The following ANK3 variants were observed in gnomAD, a reference collection of about 807,000 sequenced individuals.
The protein encoded by ANK3 is ankyrin-3.
A neutral mutation model predicts 370.9 loss-of-function variants in ANK3; 57 were observed. That is an observed-to-expected ratio of 0.15 (90% CI 0.12 to 0.19). The LOEUF (loss-of-function observed/expected upper bound fraction) is 0.19. ANK3 is among the 10% of genes least tolerant of loss of function. The pLI, the probability that ANK3 is intolerant of heterozygous loss-of-function variation, is 1.00. For missense variants in ANK3, 4,439 were observed against 5,302.1 expected (o/e 0.84, Z 5.06); for synonymous variants, 1,929 against 1,946.3 (o/e 0.99, Z 0.23).
In ANK3 at chr10:60,731,228, GA is replaced by G. The variant is rs567660210; in HGVS notation, c.57+2034del. Among the ~76,000 whole-genome samples the G allele has an allele frequency of 3.0e-3, 448 of 149,926 alleles. 4 individuals are homozygous for G. The highest frequency in any genetic ancestry group is 6.9e-3 in the Middle Eastern group (2 of 290). Reference sequence around the variant, plus strand: ...TTTAAACTCATGAACACTGTAAAAAGAAAAAAAAATTAAGTACTGAAAAAAA... The same window carrying G: ...TTTAAACTCATGAACACTGTAAAAAGAAAAAAAATTAAGTACTGAAAAAAA... On this transcript the variant is annotated intron_variant, in intron 1 of 43. Coordinates refer to the ANK3 transcript ENST00000373827.
chr10:60,493,370 G>T (rs1167852729), intron 2 of ANK3, among the ~76,000 whole-genome samples: 1 of 152,014 alleles, frequency 6.6e-6, no homozygotes, highest in Non-Finnish European at 1.5e-5. Context: ...CCATGCTTAA[G>T]ATAGAAACAG....
chr10:60,130,472 G>A (rs537667134), intron 25 of ANK3, among the ~76,000 whole-genome samples: 2 of 152,220 alleles, frequency 1.3e-5, no homozygotes, highest in East Asian at 3.9e-4. Flanking sequence ...ATTTAACTGG[G>A]CAATGACAGT....
At chr10:60,423,484 T>A (rs1281402927) in intron 2 of ANK3, among the ~76,000 whole-genome samples, 2 of 151,788 alleles carry the variant, frequency 1.3e-5, no homozygotes, top group Non-Finnish European at 2.9e-5. Context: ...AATCAAACTA[T>A]AACAATATAC....
chr10:60,728,906 C>T (rs1042149317), intron 1 of ANK3, among the ~76,000 whole-genome samples: 2 of 152,156 alleles, frequency 1.3e-5, no homozygotes. Context: ...TTGTGAAGTA[C>T]ATAGTATCTA....
chr10:60,266,080 AATAAC>A (rs1340519248), intron 5 of ANK3, among the ~76,000 whole-genome samples: 1 of 152,184 alleles, frequency 6.6e-6, no homozygotes, highest in Non-Finnish European at 1.5e-5. Context: ...AAAGGAAAAC[AATAAC>A]ATAACCAAAA....
At chr10:60,145,870 ATAG>A (rs888160294) in intron 23 of ANK3, 2 of 681,182 alleles carry the variant, frequency 2.9e-6, no homozygotes, top group African/African-American at 3.5e-5. Flanking sequence ...AACCTGGCAC[ATAG>A]TAGGTGCTCA....
At chr10:60,048,672 T>G (rs1038637714) in intron 42 of ANK3, among the ~76,000 whole-genome samples, 3 of 152,238 alleles carry the variant, frequency 2.0e-5, no homozygotes, top group African/African-American at 7.2e-5. Context: ...TTCTTACTTC[T>G]ACTGTTTATT....
chr10:60,277,858 C>T (rs1455777945), intron 4 of ANK3, among the ~76,000 whole-genome samples: 1 of 152,132 alleles, frequency 6.6e-6, no homozygotes, highest in Non-Finnish European at 1.5e-5. Flanking sequence ...AGTCAGCATT[C>T]GACTGGAAGG....
At chr10:60,719,904 T>C (rs761550041) in intron 1 of ANK3, among the ~76,000 whole-genome samples, 13 of 152,194 alleles carry the variant, frequency 8.5e-5, no homozygotes, top group South Asian at 2.1e-4. Flanking sequence ...ATCACTGGAA[T>C]CTTCATAGAC....
intron 1 of ANK3, among the ~76,000 whole-genome samples, chr10:60,374,603 A>C (rs1275987554): frequency 6.6e-6 from 1 of 152,190 alleles, no homozygotes; most frequent in Non-Finnish European, 1.5e-5. Flanking sequence ...TCCAAATACC[A>C]GCTCTGGCTT....
At chr10:60,364,081 G>C (rs568385869) in intron 1 of ANK3, among the ~76,000 whole-genome samples, 3 of 151,288 alleles carry the variant, frequency 2.0e-5, no homozygotes, top group Non-Finnish European at 1.5e-5. Flanking sequence ...ATCACTGAAG[G>C]TCAGGAGTTC....
chr10:60,673,690 C>A lies in ANK3; in HGVS notation c.58-58466G>T, dbSNP rs370702085. 2.0e-5 allele frequency among the ~76,000 whole-genome samples: 3 copies of A among 152,218 alleles called. No homozygotes were observed. In the East Asian group the frequency reaches 5.8e-4, roughly 29 times the overall value. On this transcript the variant is annotated intron_variant, in intron 1 of 43. Coordinates refer to the ANK3 transcript ENST00000373827. The stretch of plus-strand genomic sequence containing the variant: ...TTAAATAAGGTCTCACAAGTGTTCA[C>A]GGTAAAAATAAAGATTTTCAGGACA...
rs201590710 is a variant in ANK3, at chr10:60,196,507, G to C, written c.1788+20C>G. ...TTATCGTGGAAGTGGCCTGCTTCAG[G>C]GTGGCTGGTGACCTCTTACCTTCCC... is the stretch of plus-strand genomic sequence containing the variant. On this transcript the variant is annotated intron_variant, in intron 15 of 43. Coordinates refer to ENST00000280772, the MANE Select transcript of ANK3 (RefSeq NM_020987.5). 2.0e-4 allele frequency: 307 copies of C among 1,535,128 alleles called. 6 individuals are homozygous for C. The East Asian group carries it at 6.8e-3, about 34-fold the overall frequency.
intron 1 of ANK3, among the ~76,000 whole-genome samples, chr10:60,335,558 A>G (rs2052622253): frequency 6.6e-6 from 1 of 152,146 alleles, no homozygotes. Context: ...CAGAATAGCA[A>G]ACCAGGGCAA....
At chr10:60,035,023 G>A (rs2074592015) in intron 43 of ANK3, among the ~76,000 whole-genome samples, 1 of 151,496 alleles carries the variant, frequency 6.6e-6, no homozygotes, top group African/African-American at 2.4e-5. Flanking sequence ...CAAAGGGCTG[G>A]AAAAAAATAC....
chr10:60,652,850 G>C (rs1182198143), intron 1 of ANK3, among the ~76,000 whole-genome samples: 7 of 152,106 alleles, frequency 4.6e-5, no homozygotes, highest in African/African-American at 1.7e-4. Context: ...CTGGGCAAGG[G>C]CTCTCTAGAG....
intron 16 of ANK3, among the ~76,000 whole-genome samples, chr10:60,187,684 C>G (rs1047619258): frequency 1.3e-5 from 2 of 152,148 alleles, no homozygotes; most frequent in African/African-American, 4.8e-5. Context: ...CTACTGCTTA[C>G]AAGTTGAAAT....
chr10:60,108,978 T>C lies in ANK3; in HGVS notation c.3025A>G (p.Ile1009Val). ...GSRHHGMRII[I>V]PPRKCTAPTR... ...GGGGCCGTACACTTGCGTGGAGGAA[T>C]GATGATTCTCATCCCGTGATGACGG... Residue 1009 changes from isoleucine to valine, a missense_variant, in exon 27 of 44, where the codon ATT becomes GTT. Around this residue, in one of 13 missense-constraint regions of ANK3, gnomAD observed 702 missense variants for 941.5 expected, o/e 0.75. Coordinates refer to ENST00000280772, the MANE Select transcript of ANK3 (RefSeq NM_020987.5). 1 of 1,614,086 alleles carries C rather than the reference T, an allele frequency of 6.2e-7. No homozygotes were observed. The highest frequency in any genetic ancestry group is 2.2e-5 in the East Asian group (1 of 44,872).
In ANK3 at chr10:60,378,894, T is replaced by A. The variant is rs570919685; in HGVS notation, c.114+10531A>T. Among the ~76,000 whole-genome samples, 269 of 148,956 alleles carry A rather than the reference T, an allele frequency of 1.8e-3. 1 individual carries two copies. The highest frequency in any genetic ancestry group is 6.9e-3 in the Middle Eastern group (2 of 290). On this transcript the variant is annotated intron_variant, in intron 1 of 43. Transcript: ENST00000280772. Reference sequence around the variant, plus strand: ...AAAGCCTCTGCACAGAAAAAAAAAATAAAAAACAATCAACAGAGTGAAAAA... The same window carrying A: ...AAAGCCTCTGCACAGAAAAAAAAAAAAAAAAACAATCAACAGAGTGAAAAA...
Sources: allele counts gnomAD v4.1 joint callset (sites outside exome capture counted in the v4.1 genomes callset), GRCh38; gene constraint gnomAD v4.1.1; regional missense constraint gnomAD v4.1.1; transcripts MANE v1.5; gene names NCBI Gene and HGNC (gene_info 2026-07-23, HGNC 2026-07-21).